The following DCAF8L2 variants were observed in gnomAD, a reference collection of about 807,000 sequenced individuals.
DCAF8L2 encodes DDB1- and CUL4-associated factor 8-like protein 2.
For missense variants in DCAF8L2, 430 were observed against 490.7 expected, an observed-to-expected ratio of 0.88 and a Z score of 1.17; for synonymous variants, 200 against 190.9, an observed-to-expected ratio of 1.05 and a Z score of -0.39.
intron 1 of DCAF8L2, among the ~76,000 whole-genome samples, chrX:27,605,889 A>G (rs1926842006): frequency 9.0e-6 from 1 of 111,037 alleles, no homozygotes; most frequent in South Asian, 3.8e-4. Flanking sequence ...TAACCTCTTG[A>G]AACTGGACAG....
chrX:27,601,244 T>C (rs1427351996), intron 1 of DCAF8L2, among the ~76,000 whole-genome samples: 1 of 112,201 alleles, frequency 8.9e-6, no homozygotes, highest in Non-Finnish European at 1.9e-5. Flanking sequence ...TCTTTCTTTC[T>C]CCAGTTCCCC....
At chrX:27,475,966 A>G in the DCAF8L2 span, among the ~76,000 whole-genome samples, 1 of 111,388 alleles carries the variant, frequency 9.0e-6, no homozygotes, top group Non-Finnish European at 1.9e-5. Context: ...ATGCCTGGGA[A>G]GGGAAACAAT....
intron 1 of DCAF8L2, among the ~76,000 whole-genome samples, chrX:27,620,007 G>A (rs944720920): frequency 9.9e-5 from 11 of 111,080 alleles, no homozygotes; most frequent in Non-Finnish European, 1.7e-4. Flanking sequence ...GAAAAATTTC[G>A]AATTTTAAAA....
At chrX:27,600,215 A>C (rs893959383) in intron 1 of DCAF8L2, among the ~76,000 whole-genome samples, 1 of 112,224 alleles carries the variant, frequency 8.9e-6, no homozygotes, top group African/African-American at 3.2e-5. Flanking sequence ...TGTGTATCAG[A>C]ATAAAACAGT....
intron 4 of DCAF8L2, among the ~76,000 whole-genome samples, chrX:27,718,447 C>T (rs1175467977): frequency 8.0e-5 from 9 of 111,816 alleles, no homozygotes; most frequent in Non-Finnish European, 1.7e-4. Flanking sequence ...TGTGTATAAG[C>T]CTATTATGGT....
At chrX:27,578,065 A>G in the DCAF8L2 span, among the ~76,000 whole-genome samples, 5 of 111,466 alleles carry the variant, frequency 4.5e-5, no homozygotes, top group Admixed American at 9.6e-5. Context: ...TAAAATTAAT[A>G]TGGAACCACA....
chrX:27,626,570 T>C (rs1311769947), intron 1 of DCAF8L2, among the ~76,000 whole-genome samples: 2 of 111,973 alleles, frequency 1.8e-5, no homozygotes, highest in Admixed American at 9.5e-5. Flanking sequence ...CCCCAAAAGA[T>C]GATGTTGAGT....
chrX:27,729,756 G>A (rs889884919), intron 4 of DCAF8L2, among the ~76,000 whole-genome samples: 4 of 111,882 alleles, frequency 3.6e-5, no homozygotes, highest in African/African-American at 1.3e-4. Flanking sequence ...ACCACCTAAA[G>A]CTGCTACCTC....
chrX:27,724,207 A>G (rs750099967), intron 4 of DCAF8L2, among the ~76,000 whole-genome samples: 10 of 110,941 alleles, frequency 9.0e-5, no homozygotes, highest in African/African-American at 2.9e-4. Context: ...AAATAATCAT[A>G]GGAATATGGC....
rs775993265 is a variant in DCAF8L2 at position 27,658,974 on chromosome X, GC to G, written c.-219-18857del. On this transcript the variant is annotated intron_variant, in intron 2 of 4. Transcript: ENST00000451261. ...ATTAACACAGTTTTTAATAATTCTC[GC>G]CCCCACCTGCTGAGGCTGAACTTCC... Among the ~76,000 whole-genome samples the G allele has an allele frequency of 9.9e-5, 11 of 111,264 alleles. No homozygotes were observed. The Admixed American group carries it at 1.1e-3, about 11-fold the overall frequency.
At chrX:27,624,181 T>C (rs758617618) in intron 1 of DCAF8L2, among the ~76,000 whole-genome samples, 1 of 111,705 alleles carries the variant, frequency 9.0e-6, no homozygotes, top group Non-Finnish European at 1.9e-5. Context: ...ACCATACTAA[T>C]ATCAGGGATT....
intron 1 of DCAF8L2, among the ~76,000 whole-genome samples, chrX:27,618,013 T>C (rs921766941): frequency 7.1e-5 from 8 of 112,020 alleles, no homozygotes; most frequent in African/African-American, 2.6e-4. Context: ...TGAAACTTCT[T>C]AGAGGATGCT....
chrX:27,748,849 G>C lies in DCAF8L2; in HGVS notation c.*58G>C. 9.0e-7 allele frequency: 1 copy of C among 1,111,982 alleles called. No individual in the cohort carries two copies. Among genetic ancestry groups the C allele is most frequent in the Middle Eastern group, 3.4e-4 (1 of 2,963 alleles). 91.6% of individuals were successfully genotyped at this position (1,111,982 alleles called of 1,213,427 possible). ...TAAGTACACTGGACTTTAAAATTCA[G>C]TTTGACTAATTTAGAATTGTCAATA... is the stretch of plus-strand genomic sequence containing the variant. On this transcript the variant is annotated 3_prime_UTR_variant, in exon 5 of 5. Transcript: ENST00000451261.
At chrX:27,543,898 T>C in the DCAF8L2 span, among the ~76,000 whole-genome samples, 1 of 111,448 alleles carries the variant, frequency 9.0e-6, no homozygotes, top group South Asian at 3.8e-4. Context: ...AACAATATAC[T>C]TCTTTGACAT....
At chrX:27,673,583 T>G (rs1245645062) in intron 2 of DCAF8L2, among the ~76,000 whole-genome samples, 3 of 108,285 alleles carry the variant, frequency 2.8e-5, no homozygotes, top group Non-Finnish European at 5.7e-5. Context: ...TAACCTCTAC[T>G]GAATCCTTCT....
chrX:27,736,450 A>G (rs1327578109), intron 4 of DCAF8L2, among the ~76,000 whole-genome samples: 1 of 112,291 alleles, frequency 8.9e-6, no homozygotes, highest in African/African-American at 3.2e-5. Flanking sequence ...ATATGGATGA[A>G]TCAAAAGCAA....
At chrX:27,576,494 A>C in the DCAF8L2 span, among the ~76,000 whole-genome samples, 4 of 112,251 alleles carry the variant, frequency 3.6e-5, no homozygotes, top group Non-Finnish European at 7.5e-5. Flanking sequence ...ATTAATACTA[A>C]GTCTTTAGTG....
At chrX:27,584,098 G>T in the DCAF8L2 span, among the ~76,000 whole-genome samples, 26 of 111,411 alleles carry the variant, frequency 2.3e-4, no homozygotes, top group Middle Eastern at 0.023. Context: ...ACTTTAAATT[G>T]CTTGGTAATC....
intron 2 of DCAF8L2, among the ~76,000 whole-genome samples, chrX:27,636,432 A>T (rs183332424): frequency 8.9e-6 from 1 of 112,334 alleles, no homozygotes; most frequent in Non-Finnish European, 1.9e-5. Context: ...CCAAAGATAT[A>T]AAGAATTAAA....
Sources: allele counts gnomAD v4.1 joint callset (sites outside exome capture counted in the v4.1 genomes callset), GRCh38; gene constraint gnomAD v4.1.1; transcripts MANE v1.5; gene names NCBI Gene and HGNC (gene_info 2026-07-23, HGNC 2026-07-21).